The following BCL2 variants were observed in gnomAD, a reference collection of about 807,000 sequenced individuals.
The protein encoded by BCL2 is BCL2 apoptosis regulator.
A neutral mutation model predicts 14.2 loss-of-function variants in BCL2; 1 was observed. The ratio of observed to expected loss-of-function variants is 0.07; its 90% CI spans 0.02 to 0.33. The LOEUF (loss-of-function observed/expected upper bound fraction) is 0.33. Among genes scored for constraint, BCL2 ranks in the 10% least tolerant of loss-of-function variants. The pLI, the probability that BCL2 is intolerant of heterozygous loss-of-function variation, is 0.99. For synonymous variants in BCL2, 151 were observed against 137.2 expected, an observed-to-expected ratio of 1.10 and a Z score of -0.70; for missense variants, 247 against 305.9, an observed-to-expected ratio of 0.81 and a Z score of 1.44.
chr18:63,187,358 T>C (rs1451390010), intron 2 of BCL2, among the ~76,000 whole-genome samples: 2 of 152,240 alleles, frequency 1.3e-5, no homozygotes, highest in Non-Finnish European at 2.9e-5. Flanking sequence ...AGAGGTCAGA[T>C]GCTTGGGGAC....
At position 63,149,603 on chromosome 18, in the gene BCL2, G is replaced by A. The variant is rs12457170; in HGVS notation, c.586-20844C>T. ...ATTCACGTATTTACAGGGAGAGTCC[G>A]AATAATCATGCAGTAACCCAGCCTT... On this transcript the variant is annotated intron_variant, in intron 2 of 2. Coordinates refer to ENST00000333681, the MANE Select transcript of BCL2 (RefSeq NM_000633.3). This position sits in a 1 kb window ranked among gnomAD's most constrained non-coding sequence, Gnocchi z 4.2. 0.12 allele frequency among the ~76,000 whole-genome samples: 17,931 copies of A among 152,202 alleles called. 1,390 individuals are homozygous for A. Among genetic ancestry groups the A allele is most frequent in the East Asian group, 0.37 (1,896 of 5,178 alleles).
chr18:63,237,811 G>C (rs1910882699), intron 2 of BCL2, among the ~76,000 whole-genome samples: 1 of 152,196 alleles, frequency 6.6e-6, no homozygotes. Flanking sequence ...CAGAGAATTA[G>C]CTGTTGCTAA....
intron 2 of BCL2, among the ~76,000 whole-genome samples, chr18:63,141,726 A>G (rs72941356): frequency 0.028 from 4,258 of 152,286 alleles, 86 homozygotes; most frequent in African/African-American, 0.035. Context: ...GGAGCCACAC[A>G]TGTGGCTCTC....
intron 2 of BCL2, among the ~76,000 whole-genome samples, chr18:63,150,172 C>T (rs951748708): frequency 1.4e-4 from 21 of 152,148 alleles, no homozygotes; most frequent in African/African-American, 3.9e-4. Flanking sequence ...CGTGAGCCAC[C>T]GCGCCCAGCC....
chr18:63,261,818 A>C (rs1280611359), intron 2 of BCL2, among the ~76,000 whole-genome samples: 1 of 150,888 alleles, frequency 6.6e-6, no homozygotes, highest in African/African-American at 2.4e-5. Context: ...TTGAGACAGA[A>C]TCTCGCTCTG....
intron 2 of BCL2, among the ~76,000 whole-genome samples, chr18:63,211,428 G>T (rs1432334397): frequency 6.6e-6 from 1 of 152,074 alleles, no homozygotes. Context: ...GTTTTCTCTC[G>T]ACTCAAATCT....
chr18:63,269,208 C>A (rs1911929540), intron 2 of BCL2, among the ~76,000 whole-genome samples: 1 of 152,116 alleles, frequency 6.6e-6, no homozygotes, highest in African/African-American at 2.4e-5. Flanking sequence ...ACCACATCGG[C>A]CTCCCAAAAT....
intron 2 of BCL2, among the ~76,000 whole-genome samples, chr18:63,164,830 G>A (rs745533509): frequency 2.8e-4 from 42 of 152,188 alleles, no homozygotes; most frequent in Non-Finnish European, 5.4e-4. Context: ...GGAAACCTTG[G>A]TAGCCCTGTA....
chr18:63,169,837 G>T (rs1397893686), intron 2 of BCL2, among the ~76,000 whole-genome samples: 3 of 151,730 alleles, frequency 2.0e-5, no homozygotes, highest in Non-Finnish European at 4.4e-5. Context: ...TTCTTTAAGG[G>T]GTAGATGCCG....
intron 2 of BCL2, among the ~76,000 whole-genome samples, chr18:63,310,277 A>T (rs1913268253): frequency 6.6e-6 from 1 of 152,134 alleles, no homozygotes; most frequent in Admixed American, 6.5e-5. Context: ...AGTTCTCAAA[A>T]CTATGGATTT....
At chr18:63,270,172 G>A (rs564848788) in intron 2 of BCL2, among the ~76,000 whole-genome samples, 60 of 152,158 alleles carry the variant, frequency 3.9e-4, no homozygotes, top group Non-Finnish European at 7.1e-4. Flanking sequence ...AACGTCTATG[G>A]AGGGCAATTT....
At chr18:63,152,453 T>C (rs1045297651) in intron 2 of BCL2, among the ~76,000 whole-genome samples, 4 of 152,198 alleles carry the variant, frequency 2.6e-5, no homozygotes, top group African/African-American at 9.7e-5. Context: ...TAAAAATTAA[T>C]TCGTAAATAC....
intron 2 of BCL2, among the ~76,000 whole-genome samples, chr18:63,277,194 C>T (rs932786200): frequency 1.3e-5 from 2 of 152,140 alleles, no homozygotes; most frequent in Non-Finnish European, 2.9e-5. Flanking sequence ...TCTCCTTTTT[C>T]TTCCTATAGA....
chr18:63,226,698 T>C lies in BCL2; in HGVS notation c.585+91384A>G, dbSNP rs569467359. Among the ~76,000 whole-genome samples the C allele has an allele frequency of 5.3e-5, 8 of 152,210 alleles. No homozygotes were observed. The East Asian group carries it at 1.5e-3, about 29-fold the overall frequency. On this transcript the variant is annotated intron_variant, in intron 2 of 2. Transcript: ENST00000333681. ...TATTTAAGATATATATGAATATATA[T>C]GTGCATGTGTTTATAGGAGCTTGGA... is the stretch of plus-strand genomic sequence containing the variant.
chr18:63,310,374 G>A (rs1048013294), intron 2 of BCL2, among the ~76,000 whole-genome samples: 2 of 152,102 alleles, frequency 1.3e-5, no homozygotes, highest in South Asian at 2.1e-4. Flanking sequence ...CTGCTTTGAC[G>A]CCTCCAGTTT....
intron 2 of BCL2, among the ~76,000 whole-genome samples, chr18:63,298,502 C>T (rs1017165155): frequency 3.3e-5 from 5 of 152,222 alleles, no homozygotes; most frequent in East Asian, 1.9e-4. Context: ...ACACTCATCC[C>T]TTTCTTTGGG....
In BCL2 at chr18:63,124,643, T is replaced by TA. The variant is rs34811186; in HGVS notation, c.*3981dup. On this transcript the variant is annotated 3_prime_UTR_variant, in exon 3 of 3. Transcript: ENST00000333681. ...AAATGTCCTTTGTCCCATAATAATT[T>TA]AAAAAAAAAATCCCTGAAAGATCCA... 112,964 of 213,040 alleles carry TA rather than the reference T, an allele frequency of 0.53. 30,067 individuals carry two copies. Among genetic ancestry groups the TA allele is most frequent in the East Asian group, 0.79 (10,420 of 13,138 alleles). The allele number at this position is 213,040 out of a possible 1,614,324, so 13.2% of individuals were successfully genotyped here. A position where few individuals can be genotyped will look rare whatever the true frequency, so the allele number is the denominator to read the frequency against.
At chr18:63,208,947 CG>C (rs1472921941) in intron 2 of BCL2, among the ~76,000 whole-genome samples, 1 of 152,194 alleles carries the variant, frequency 6.6e-6, no homozygotes, top group Non-Finnish European at 1.5e-5. Flanking sequence ...CTGACCTCCA[CG>C]TGCCACTGCT....
intron 2 of BCL2, among the ~76,000 whole-genome samples, chr18:63,311,917 T>C (rs923100260): frequency 6.6e-6 from 1 of 152,216 alleles, no homozygotes; most frequent in African/African-American, 2.4e-5. Flanking sequence ...TTTAGTTTAG[T>C]TAGTCAAACA....
Sources: allele counts gnomAD v4.1 joint callset (sites outside exome capture counted in the v4.1 genomes callset), GRCh38; gene constraint gnomAD v4.1.1; non-coding constraint Gnocchi (gnomAD v3.1); transcripts MANE v1.5; gene names NCBI Gene and HGNC (gene_info 2026-07-23, HGNC 2026-07-21).